The following ERC2 variants were observed in gnomAD, a reference collection of about 807,000 sequenced individuals.
ERC2 encodes the protein ERC protein 2.
ERC2 carries 42 observed loss-of-function variants against 114.8 expected under a neutral mutation model. That is an observed-to-expected ratio of 0.37 (90% CI 0.29 to 0.47). ERC2 has a LOEUF of 0.47. Ranked by LOEUF, ERC2 falls within the 20% of genes least tolerant of loss-of-function variation. The pLI is 0.99. For missense variants in ERC2, 939 were observed against 1,150.7 expected (o/e 0.82, Z 2.66); for synonymous variants, 454 against 425.5 (o/e 1.07, Z -0.82).
chr3:56,460,289 A>G (rs957982772), intron 1 of ERC2, among the ~76,000 whole-genome samples: 6 of 152,114 alleles, frequency 3.9e-5, no homozygotes, highest in Admixed American at 3.3e-4. Flanking sequence ...CATTGTTTCT[A>G]CTTTCTCTAG....
At chr3:56,201,515 T>C (rs1408780895) in intron 3 of ERC2, among the ~76,000 whole-genome samples, 1 of 152,192 alleles carries the variant, frequency 6.6e-6, no homozygotes, top group Non-Finnish European at 1.5e-5. Context: ...ATAGAATTAG[T>C]AAAACAGAGC....
chr3:56,209,518 T>C (rs2048934715), intron 3 of ERC2, among the ~76,000 whole-genome samples: 1 of 152,224 alleles, frequency 6.6e-6, no homozygotes, highest in African/African-American at 2.4e-5. Context: ...AATTTATTGC[T>C]TTATTTCCCA....
chr3:56,148,810 G>A (rs1198517455), intron 5 of ERC2, among the ~76,000 whole-genome samples, 167 bp downstream of exon 5: 2 of 152,198 alleles, frequency 1.3e-5, no homozygotes, highest in East Asian at 3.9e-4. Context: ...TTGTTTTTTG[G>A]AATCTATATG....
At chr3:55,768,569 T>C (rs939890282) in intron 14 of ERC2, among the ~76,000 whole-genome samples, 4 of 152,200 alleles carry the variant, frequency 2.6e-5, no homozygotes, top group Non-Finnish European at 4.4e-5. Context: ...GAGGGTATAC[T>C]TTAGCTAGGC....
Position 55,747,848 on chromosome 3 carries a change from G to A in ERC2, c.2565-12930C>T, listed in dbSNP as rs543040774. Among the ~76,000 whole-genome samples, 15 of 152,286 alleles carry A rather than the reference G, an allele frequency of 9.8e-5. 3 individuals carry two copies. The South Asian group carries it at 3.1e-3, about 32-fold the overall frequency. ...CTGAAGCCTTGCACTGCTAAGCAAC[G>A]GTTCAAAAGACAGGCCAAACAAAGA... On this transcript the variant is annotated intron_variant, in intron 14 of 17. Coordinates refer to ENST00000288221, the MANE Select transcript of ERC2 (RefSeq NM_015576.3).
intron 13 of ERC2, among the ~76,000 whole-genome samples, chr3:55,933,030 G>A (rs2066204534): frequency 6.6e-6 from 1 of 152,148 alleles, no homozygotes; most frequent in Admixed American, 6.6e-5. Context: ...CCAACAAGGT[G>A]AAACCTTGCC....
chr3:55,584,173 A>G (rs542799646), intron 17 of ERC2, among the ~76,000 whole-genome samples: 1 of 152,134 alleles, frequency 6.6e-6, no homozygotes, highest in South Asian at 2.1e-4. Flanking sequence ...AGGGAAGCCT[A>G]TTGGTGAAGA....
At chr3:56,048,732 T>C (rs2075610328) in intron 7 of ERC2, among the ~76,000 whole-genome samples, 1 of 152,218 alleles carries the variant, frequency 6.6e-6, no homozygotes, top group Non-Finnish European at 1.5e-5. Flanking sequence ...TCTGCAGACC[T>C]GGTGAAGAAG....
chr3:56,443,566 T>C (rs1329734180), intron 1 of ERC2, among the ~76,000 whole-genome samples: 1 of 152,080 alleles, frequency 6.6e-6, no homozygotes, highest in Non-Finnish European at 1.5e-5. Flanking sequence ...AATTCCTACT[T>C]GTTCTGTTGA....
chr3:56,117,935 T>C (rs1183596242), intron 6 of ERC2, among the ~76,000 whole-genome samples: 5 of 152,162 alleles, frequency 3.3e-5, no homozygotes, highest in African/African-American at 9.7e-5. Context: ...AGACAGTGAA[T>C]TGACTATTCT....
At chr3:56,447,623 T>C (rs558732541) in intron 1 of ERC2, among the ~76,000 whole-genome samples, 33 of 152,156 alleles carry the variant, frequency 2.2e-4, no homozygotes, top group African/African-American at 7.5e-4. Flanking sequence ...TTATAAAATA[T>C]AGAGATTATA....
At chr3:55,710,266 C>T (rs1158625441) in intron 15 of ERC2, among the ~76,000 whole-genome samples, 3 of 152,108 alleles carry the variant, frequency 2.0e-5, no homozygotes, top group African/African-American at 4.8e-5. Context: ...TTGCAGGTCT[C>T]CCCACAGCCT....
At chr3:56,164,916 C>A (rs977489833) in intron 4 of ERC2, among the ~76,000 whole-genome samples, 31 of 151,866 alleles carry the variant, frequency 2.0e-4, no homozygotes, top group African/African-American at 4.3e-4. Context: ...CTAATTAAAT[C>A]TTTTGCCCAG....
intron 17 of ERC2, among the ~76,000 whole-genome samples, chr3:55,649,100 A>G (rs76794009): frequency 2.0e-5 from 3 of 152,132 alleles, no homozygotes; most frequent in Non-Finnish European, 2.9e-5. Context: ...TCCTTCCCCA[A>G]ACATTCCAGA....
chr3:55,909,081 G>C (rs1343149599), intron 13 of ERC2, among the ~76,000 whole-genome samples: 1 of 152,144 alleles, frequency 6.6e-6, no homozygotes, highest in Non-Finnish European at 1.5e-5. Flanking sequence ...GGTTAAATAG[G>C]TCTACAGCCA....
intron 13 of ERC2, among the ~76,000 whole-genome samples, chr3:55,936,358 C>T (rs572433419): frequency 2.2e-5 from 3 of 135,756 alleles, no homozygotes; most frequent in South Asian, 4.7e-4. Flanking sequence ...GTTTTGGATA[C>T]GTAAGATAGT....
chr3:56,197,519 A>G (rs1289475010), intron 3 of ERC2, among the ~76,000 whole-genome samples: 1 of 152,210 alleles, frequency 6.6e-6, no homozygotes, highest in Non-Finnish European at 1.5e-5. Flanking sequence ...AATATAGTCC[A>G]GTTGTGTACA....
At chr3:56,282,678 G>GTGC (rs57092549) in intron 3 of ERC2, among the ~76,000 whole-genome samples, 39 of 151,184 alleles carry the variant, frequency 2.6e-4, no homozygotes, top group South Asian at 8.4e-4. Context: ...TCTAACAGTG[G>GTGC]TGCTGCTGCT....
At chr3:56,174,984 A>C (rs902425873) in intron 3 of ERC2, among the ~76,000 whole-genome samples, 4 of 152,112 alleles carry the variant, frequency 2.6e-5, no homozygotes, top group African/African-American at 4.8e-5. Context: ...CTAAAAAAAA[A>C]AAAAAAAAGA....
Sources: gnomAD v4.1 joint callset for allele counts (sites outside exome capture counted in the v4.1 genomes callset) on GRCh38, gnomAD v4.1.1 for gene constraint, MANE v1.5 for transcripts, NCBI Gene and HGNC (gene_info 2026-07-23, HGNC 2026-07-21) for gene names.